ZBTB5: variants seen among roughly 807,000 people sequenced by gnomAD.
ZBTB5 encodes zinc finger and BTB domain-containing protein 5.
ZBTB5 carries 15 observed loss-of-function variants against 37.9 expected under a neutral mutation model. The ratio of observed to expected loss-of-function variants is 0.40; its 90% CI spans 0.26 to 0.61. The LOEUF is 0.61. ZBTB5 is among the 20% of genes least tolerant of loss of function. ZBTB5 has a pLI of 0.47. For synonymous variants in ZBTB5, 315 were observed against 312.4 expected, an observed-to-expected ratio of 1.01 and a Z score of -0.09; for missense variants, 708 against 856.8, an observed-to-expected ratio of 0.83 and a Z score of 2.17.
rs759895369 is a variant in ZBTB5 at position 37,442,026 on chromosome 9, G to A, written c.526C>T (p.Arg176Cys). Residue 176 changes from arginine (R) to cysteine (C), a missense_variant, in exon 2 of 2, where the codon CGC becomes TGC. By Grantham distance (180) the Arg-to-Cys change is radical (BLOSUM62 -3). This residue lies in a region of ZBTB5 where 639 missense variants were observed against 690.5 expected (regional missense o/e 0.93). Coordinates refer to ENST00000307750, the MANE Select transcript of ZBTB5 (RefSeq NM_014872.3). ...GGCGTGCGCTGATCCAGGTTACTGC[G>A]CATGGAAGAGCTCATGGGGGCTGGC... The part of the protein sequence containing the change: ...EQPAPMSSSM[R>C]SNLDQRTPFP... 5.6e-6 allele frequency: 9 copies of A among 1,613,702 alleles called. No individual in the cohort carries two copies. Among genetic ancestry groups the A allele is most frequent in the Admixed American group, 5.0e-5 (3 of 60,016 alleles).
In ZBTB5 at chr9:37,440,221, A is replaced by T. The variant is rs1385953199; in HGVS notation, c.*297T>A. ...TGCTAAAAAATTTTTTTTGCACTTC[A>T]ATTTTTAAATTTTTAAATGTGCCAC... On this transcript the variant is annotated 3_prime_UTR_variant, in exon 2 of 2. Transcript: ENST00000307750. 2.8e-6 allele frequency: 1 copy of T among 351,172 alleles called. No homozygotes were observed. The highest frequency in any genetic ancestry group is 5.2e-6 in the Non-Finnish European group (1 of 192,398). 21.8% of individuals were successfully genotyped at this position (351,172 alleles called of 1,614,324 possible).
intron 1 of ZBTB5, among the ~76,000 whole-genome samples, chr9:37,443,601 C>T (rs986428688): frequency 1.3e-5 from 2 of 152,046 alleles, no homozygotes; most frequent in Non-Finnish European, 2.9e-5. Context: ...AGGCAGGAGG[C>T]CTGGCTGAAA....
chr9:37,462,064 T>G (rs1824303044), intron 1 of ZBTB5, among the ~76,000 whole-genome samples: 1 of 152,158 alleles, frequency 6.6e-6, no homozygotes, highest in African/African-American at 2.4e-5. Flanking sequence ...TGGTTTGAAC[T>G]CAAGTGATCC....
chr9:37,457,423 TCTCA>T (rs1824209112), intron 1 of ZBTB5, among the ~76,000 whole-genome samples: 1 of 152,134 alleles, frequency 6.6e-6, no homozygotes, highest in African/African-American at 2.4e-5. Flanking sequence ...TAGAGACGGG[TCTCA>T]CTATGTTGCT....
chr9:37,453,946 G>C (rs573254182), intron 1 of ZBTB5, among the ~76,000 whole-genome samples: 1 of 152,156 alleles, frequency 6.6e-6, no homozygotes, highest in Non-Finnish European at 1.5e-5. Context: ...CAAAAACACT[G>C]TCCAGAAGGT....
chr9:37,450,864 CAAAA>C, intron 1 of ZBTB5, among the ~76,000 whole-genome samples: 1 of 125,694 alleles, frequency 8.0e-6, no homozygotes, highest in African/African-American at 3.0e-5. Flanking sequence ...AACTCCATCT[CAAAA>C]AAAAAAAAAT....
At chr9:37,461,243 T>C (rs1824288192) in intron 1 of ZBTB5, among the ~76,000 whole-genome samples, 1 of 152,108 alleles carries the variant, frequency 6.6e-6, no homozygotes, top group African/African-American at 2.4e-5. Context: ...CTTCCTCAAA[T>C]CCTCTTCGCA....
chr9:37,440,451 T>C lies in ZBTB5; in HGVS notation c.*67A>G. On this transcript the variant is annotated 3_prime_UTR_variant, in exon 2 of 2. Coordinates refer to ENST00000307750, the MANE Select transcript of ZBTB5 (RefSeq NM_014872.3). ...GCTGGAAGCCTCGAACCCAAAGGCA[T>C]TAACTGCTTACCAAAAGAAATTCAG... 2 of 1,473,588 alleles carry C rather than the reference T, an allele frequency of 1.4e-6. No homozygotes were observed. The highest frequency in any genetic ancestry group is 2.4e-5 in the South Asian group (2 of 81,714). The allele number at this position is 1,473,588 out of a possible 1,614,324, so 91.3% of individuals were successfully genotyped here.
At chr9:37,453,748 T>C (rs1390006849) in intron 1 of ZBTB5, among the ~76,000 whole-genome samples, 1 of 152,118 alleles carries the variant, frequency 6.6e-6, no homozygotes, top group Non-Finnish European at 1.5e-5. Context: ...CAGTGATTGT[T>C]TCAGACAATC....
At chr9:37,447,441 A>G (rs1029885163) in intron 1 of ZBTB5, among the ~76,000 whole-genome samples, 3 of 152,198 alleles carry the variant, frequency 2.0e-5, no homozygotes, top group African/African-American at 4.8e-5. Context: ...AGGTAATGGT[A>G]GTGGTAATAA....
chr9:37,459,468 A>C (rs531750413), intron 1 of ZBTB5, among the ~76,000 whole-genome samples: 82 of 152,260 alleles, frequency 5.4e-4, no homozygotes, highest in Middle Eastern at 3.4e-3. Context: ...CTCAAAAAAA[A>C]AAAAAAGTTT....
intron 1 of ZBTB5, among the ~76,000 whole-genome samples, chr9:37,447,416 T>C (rs1824009503): frequency 6.6e-6 from 1 of 152,230 alleles, no homozygotes; most frequent in Admixed American, 6.5e-5. Context: ...ACAGTCTCAC[T>C]GGTGACAGTA....
intron 1 of ZBTB5, among the ~76,000 whole-genome samples, chr9:37,448,349 C>G (rs1392365490): frequency 6.6e-6 from 1 of 152,204 alleles, no homozygotes; most frequent in Non-Finnish European, 1.5e-5. Context: ...TGCATCATAA[C>G]TATGATTCCA....
chr9:37,453,136 G>A (rs1466795642), intron 1 of ZBTB5, among the ~76,000 whole-genome samples: 1 of 152,192 alleles, frequency 6.6e-6, no homozygotes, highest in Non-Finnish European at 1.5e-5. Context: ...AGGTGAACAA[G>A]AAATCTCTAT....
chr9:37,458,243 C>T lies in ZBTB5; in HGVS notation c.-5+6972G>A, dbSNP rs1824227940. Reference sequence around the variant, plus strand: ...AGCTACTACTAACCAAATGCTCACTCCAATGGAGACCCAGCCTCCCCTTCC... The same window carrying T: ...AGCTACTACTAACCAAATGCTCACTTCAATGGAGACCCAGCCTCCCCTTCC... On this transcript the variant is annotated intron_variant, in intron 1 of 1. Transcript: ENST00000307750. Among the ~76,000 whole-genome samples the T allele has an allele frequency of 2.6e-5, 4 of 152,312 alleles. No individual in the cohort carries two copies. In the South Asian group the frequency reaches 8.3e-4, roughly 32 times the overall value.
Position 37,441,059 on chromosome 9 carries a change from C to T in ZBTB5, c.1493G>A (p.Gly498Glu). 1 of 1,614,152 alleles carries T rather than the reference C, an allele frequency of 6.2e-7. No individual in the cohort carries two copies. Among genetic ancestry groups the T allele is most frequent in the South Asian group, 1.1e-5 (1 of 91,080 alleles). ...LPCVQTSGYQ[G>E]GEQFGMDFSR... is the part of the protein sequence containing the mutation. ...AAAGTCCATCCCAAACTGTTCTCCT[C>T]CTTGGTAGCCTGAAGTCTGCACACA... Residue 498 changes from glycine (G) to glutamate (E), a missense_variant, in exon 2 of 2, where the codon GGA (glycine) becomes GAA (glutamate). By Grantham distance (98) the Gly-to-Glu change is moderately conservative (BLOSUM62 -2). Transcript: ENST00000307750.
intron 1 of ZBTB5, among the ~76,000 whole-genome samples, chr9:37,452,463 A>T (rs1387311921): frequency 1.3e-5 from 2 of 152,240 alleles, no homozygotes; most frequent in Non-Finnish European, 2.9e-5. Flanking sequence ...CACTACTAAT[A>T]TGAAGCTCAA....
Position 37,442,606 on chromosome 9 carries a change from T to A in ZBTB5, c.-4-51A>T, listed in dbSNP as rs539755252. ...GTTAAGACCTAGAAAAGCTTCAAAG[T>A]CAGAACACAAAGGGTATGATGAAAA... On this transcript the variant is annotated intron_variant, in intron 1 of 1. Transcript: ENST00000307750. The A allele has an allele frequency of 2.0e-5, 29 of 1,430,914 alleles. No individual in the cohort carries two copies. In the African/African-American group the frequency reaches 3.7e-4, roughly 18 times the overall value. The allele number at this position is 1,430,914 out of a possible 1,614,324, so 88.6% of individuals were successfully genotyped here.
intron 1 of ZBTB5, among the ~76,000 whole-genome samples, chr9:37,446,351 A>T (rs1823978066): frequency 6.6e-6 from 1 of 152,210 alleles, no homozygotes; most frequent in South Asian, 2.1e-4. Context: ...ATCCTGGGAA[A>T]TAACTGAAAT....
Sources: allele counts gnomAD v4.1 joint callset (sites outside exome capture counted in the v4.1 genomes callset), GRCh38; gene constraint gnomAD v4.1.1; regional missense constraint gnomAD v4.1.1; transcripts MANE v1.5; gene names NCBI Gene and HGNC (gene_info 2026-07-23, HGNC 2026-07-21).